PCDHA5: variants seen among roughly 807,000 people sequenced by gnomAD.
PCDHA5 encodes protocadherin alpha-5.
PCDHA5 carries 43 observed loss-of-function variants against 61.6 expected under a neutral mutation model. That is an observed-to-expected ratio of 0.70 (90% CI 0.55 to 0.90). The LOEUF (loss-of-function observed/expected upper bound fraction) is 0.90, where lower values mean the gene tolerates loss of function less well. Ranked by LOEUF, PCDHA5 falls within the 40% of genes least tolerant of loss-of-function variation. The pLI is 0.00. For synonymous variants in PCDHA5, 627 were observed against 543.9 expected, an observed-to-expected ratio of 1.15 and a Z score of -2.13; for missense variants, 1,298 against 1,222.7, an observed-to-expected ratio of 1.06 and a Z score of -0.92.
chr5:140,823,017 C>G lies in PCDHA5; in HGVS notation c.1242C>G (p.Arg414=). The change falls in exon 1 of 4, where the codon CGC becomes CGG. Residue 414 remains arginine, a synonymous_variant. Transcript: ENST00000529859. ...TGGTGCTGGACAGCGCCCTGGACCGCGAGAGCGTGTCGGTCTATGAGCTGG... is the reference window on the plus strand; with the variant it reads ...TGGTGCTGGACAGCGCCCTGGACCGGGAGAGCGTGTCGGTCTATGAGCTGG... ...YSLVLDSALD[R]ESVSVYELVV... 2 of 1,614,228 alleles carry G rather than the reference C, an allele frequency of 1.2e-6. No homozygotes were observed. The highest frequency in any genetic ancestry group is 1.7e-6 in the Non-Finnish European group (2 of 1,180,048).
At chr5:140,836,296 A>G (rs1294221854) in intron 1 of PCDHA5, 1 of 1,613,690 alleles carries the variant, frequency 6.2e-7, no homozygotes, top group Non-Finnish European at 8.5e-7. Flanking sequence ...CGAGCCCTAG[A>G]TGAGACGGAC....
At chr5:140,927,403 C>T (rs1276847771) in intron 1 of PCDHA5, 1 of 1,614,146 alleles carries the variant, frequency 6.2e-7, no homozygotes, top group Non-Finnish European at 8.5e-7. Context: ...GCACTTTCGC[C>T]TGGACATGGG....
At chr5:140,910,099 T>G (rs1554194123) in intron 1 of PCDHA5, among the ~76,000 whole-genome samples, 1 of 152,230 alleles carries the variant, frequency 6.6e-6, no homozygotes, top group African/African-American at 2.4e-5. Context: ...CAGCCTCCCC[T>G]TCATTTAAGG....
chr5:140,848,363 A>C, intron 1 of PCDHA5: 1 of 1,078,860 alleles, frequency 9.3e-7, no homozygotes, highest in Non-Finnish European at 1.4e-6. Flanking sequence ...CCCATGGGAA[A>C]GAGGCTCAAT....
At position 140,859,346 on chromosome 5, in the gene PCDHA5, T is replaced by G. The variant is rs978302846; in HGVS notation, c.2352+35219T>G. On this transcript the variant is annotated intron_variant, in intron 1 of 3. Transcript: ENST00000529859. ...AGGAGAAAATAAAATTAATGTTTTCTACTGATCTGATATATTGTATAGTTT... is the reference window on the plus strand; with the variant it reads ...AGGAGAAAATAAAATTAATGTTTTCGACTGATCTGATATATTGTATAGTTT... 7 of 128,770 alleles carry G rather than the reference T, an allele frequency of 5.4e-5. 1 individual carries two copies. In the Admixed American group the frequency reaches 5.5e-4, roughly 10 times the overall value. 8.0% of individuals were successfully genotyped at this position (128,770 alleles called of 1,614,324 possible).
chr5:140,883,702 T>G (rs367854871), intron 1 of PCDHA5: 3 of 1,613,750 alleles, frequency 1.9e-6, no homozygotes, highest in Non-Finnish European at 2.5e-6. Flanking sequence ...TCACGGTGTC[T>G]GCTCAGGACG....
At chr5:140,890,223 G>C (rs1218987173) in intron 1 of PCDHA5, among the ~76,000 whole-genome samples, 3 of 152,108 alleles carry the variant, frequency 2.0e-5, no homozygotes, top group Non-Finnish European at 4.4e-5. Context: ...CAGAGACCTA[G>C]TTGTTAAGCA....
chr5:140,940,552 G>A (rs1198606745), intron 1 of PCDHA5, among the ~76,000 whole-genome samples: 4 of 152,018 alleles, frequency 2.6e-5, no homozygotes, highest in African/African-American at 9.7e-5. Flanking sequence ...GGGCTCAAGT[G>A]ATTCTCCTAC....
chr5:140,967,332 C>T (rs1269679357), intron 1 of PCDHA5: 2 of 1,607,906 alleles, frequency 1.2e-6, no homozygotes, highest in Non-Finnish European at 1.7e-6. Context: ...GAGCTCAGCC[C>T]CAGCGAGCAC....
intron 1 of PCDHA5, chr5:140,851,015 G>A: frequency 2.1e-6 from 3 of 1,432,294 alleles, no homozygotes; most frequent in Non-Finnish European, 1.8e-6. Context: ...TTTTTTTTCT[G>A]ATAAAGTAAA....
intron 1 of PCDHA5, among the ~76,000 whole-genome samples, chr5:140,974,660 C>T (rs529524485): frequency 2.6e-5 from 4 of 152,116 alleles, no homozygotes; most frequent in South Asian, 2.1e-4. Flanking sequence ...TACAGGCATG[C>T]GCCACCATGC....
intron 3 of PCDHA5, among the ~76,000 whole-genome samples, chr5:140,986,404 G>GT (rs2097199196): frequency 6.6e-6 from 1 of 152,190 alleles, no homozygotes; most frequent in Non-Finnish European, 1.5e-5. Context: ...AGTCGCTCAT[G>GT]TTACAGCTCT....
intron 1 of PCDHA5, 175 bp downstream of exon 1, chr5:140,824,302 G>T: frequency 1.2e-6 from 1 of 834,910 alleles, no homozygotes; most frequent in East Asian, 2.5e-5. Flanking sequence ...TTCTGCTGGG[G>T]TAATAGATTC....
At position 140,836,671 on chromosome 5, in the gene PCDHA5, G is replaced by A. The variant is rs146098956; in HGVS notation, c.2352+12544G>A. The A allele has an allele frequency of 1.4e-5, 22 of 1,613,282 alleles. No individual in the cohort carries two copies. The African/African-American group carries it at 2.8e-4, about 21-fold the overall frequency. On this transcript the variant is annotated intron_variant, in intron 1 of 3. Coordinates refer to ENST00000529859, the MANE Select transcript of PCDHA5 (RefSeq NM_018908.3). ...CGGCAGAGGGTGTGCTCTGGGGAGG[G>A]CCCACCCAAGACAGACCTCATGGCC...
chr5:140,871,253 A>G (rs1372338399), intron 1 of PCDHA5: 1 of 1,613,856 alleles, frequency 6.2e-7, no homozygotes, highest in Non-Finnish European at 8.5e-7. Context: ...CTGCTGCTGT[A>G]TACGGCGCTG....
chr5:140,863,234 G>A (rs782122852), intron 1 of PCDHA5: 1 of 1,250,682 alleles, frequency 8.0e-7, no homozygotes. Flanking sequence ...GTCCCATCGC[G>A]GGCTTTGGCG....
intron 1 of PCDHA5, among the ~76,000 whole-genome samples, chr5:140,826,067 T>C (rs2150142384): frequency 9.2e-5 from 14 of 152,216 alleles, no homozygotes; most frequent in Non-Finnish European, 1.5e-4. Flanking sequence ...TTTATTCTCA[T>C]ATGCATTCAA....
At chr5:140,876,217 G>A (rs976376933) in intron 1 of PCDHA5, 1 of 1,614,006 alleles carries the variant, frequency 6.2e-7, no homozygotes. Flanking sequence ...CAGCTATAAA[G>A]TAGTGTTGTC....
intron 1 of PCDHA5, among the ~76,000 whole-genome samples, chr5:140,872,595 C>G (rs1048527578): frequency 6.6e-6 from 1 of 152,102 alleles, no homozygotes; most frequent in African/African-American, 2.4e-5. Flanking sequence ...AGACCCCCAT[C>G]TGAAAAAATA....
Sources: allele counts gnomAD v4.1 joint callset (sites outside exome capture counted in the v4.1 genomes callset), GRCh38; gene constraint gnomAD v4.1.1; transcripts MANE v1.5; gene names NCBI Gene and HGNC (gene_info 2026-07-23, HGNC 2026-07-21).